Variants in BCO2 observed in about 807,000 individuals in gnomAD.
BCO2 encodes beta-carotene oxygenase 2, also known as carotenoid-cleaving dioxygenase, mitochondrial.
Under a neutral mutation model 65.8 loss-of-function variants are expected in BCO2, and 56 were observed. The ratio of observed to expected loss-of-function variants is 0.85; its 90% confidence interval spans 0.69 to 1.06. The LOEUF (loss-of-function observed/expected upper bound fraction) is 1.06. BCO2 is among the 50% of genes least tolerant of loss of function. The pLI, the probability that BCO2 is intolerant of heterozygous loss-of-function variation, is 0.00. For synonymous variants in BCO2, 233 were observed against 242.3 expected, an observed-to-expected ratio of 0.96 and a Z score of 0.36; for missense variants, 675 against 698.5, an observed-to-expected ratio of 0.97 and a Z score of 0.38.
At chr11:112,186,610 C>T (rs1867207842) in intron 2 of BCO2, among the ~76,000 whole-genome samples, 1 of 152,192 alleles carries the variant, frequency 6.6e-6, no homozygotes, top group Non-Finnish European at 1.5e-5. Context: ...TCCATGTCAG[C>T]ATGCAGACAC....
chr11:112,193,643 A>G lies in BCO2; in HGVS notation c.463A>G (p.Lys155Glu). 1.2e-6 allele frequency: 2 copies of G among 1,614,204 alleles called. No individual in the cohort carries two copies. Among genetic ancestry groups the G allele is most frequent in the Non-Finnish European group, 1.7e-6 (2 of 1,180,024 alleles). ...FGTLALPDPC[K>E]NVFERFMSRF... Reference sequence around the variant, plus strand: ...CACACTGGCTCTCCCGGATCCATGCAAGAATGTTTTTGAACGTTTCATGTC... The same window carrying G: ...CACACTGGCTCTCCCGGATCCATGCGAGAATGTTTTTGAACGTTTCATGTC... Residue 155 changes from lysine (K) to glutamate (E), a missense_variant, in exon 3 of 12, where the codon AAG (lysine) becomes GAG (glutamate). By Grantham distance (56) the Lys-to-Glu change is moderately conservative (BLOSUM62 1). Coordinates refer to ENST00000357685, the MANE Select transcript of BCO2 (RefSeq NM_031938.7).
chr11:112,180,544 A>G (rs1299826243), intron 2 of BCO2, among the ~76,000 whole-genome samples: 1 of 152,218 alleles, frequency 6.6e-6, no homozygotes, highest in Admixed American at 6.5e-5. Flanking sequence ...CCAATAAATG[A>G]AAAACCCAGG....
chr11:112,189,424 G>A (rs1343757465), intron 2 of BCO2, among the ~76,000 whole-genome samples: 1 of 67,514 alleles, frequency 1.5e-5, no homozygotes, highest in African/African-American at 5.8e-5. Flanking sequence ...TTTTTTTTTT[G>A]AGACAGAGTC....
rs565683028 is a variant in BCO2 at position 112,183,302 on chromosome 11, A to T, written c.293+3820A>T. 9.4e-6 allele frequency: 6 copies of T among 638,876 alleles called. No individual in the cohort carries two copies. The East Asian group carries it at 1.1e-4, about 11-fold the overall frequency. The allele number at this position is 638,876 out of a possible 1,614,324, so 39.6% of individuals were successfully genotyped here. On this transcript the variant is annotated intron_variant, in intron 2 of 11. Coordinates refer to ENST00000357685, the MANE Select transcript of BCO2 (RefSeq NM_031938.7). ...AGAAATAACACTATAAGGAAATTTT[A>T]AAAAAACATTTAGAGGATTATGCTT...
At chr11:112,181,036 A>T in intron 2 of BCO2, 1 of 1,470,318 alleles carries the variant, frequency 6.8e-7, no homozygotes, top group Non-Finnish European at 9.5e-7. Flanking sequence ...GATTCCACAC[A>T]GAGTGGCTGA....
intron 8 of BCO2, among the ~76,000 whole-genome samples, chr11:112,212,870 A>C (rs1859548707): frequency 6.6e-6 from 1 of 152,326 alleles, no homozygotes; most frequent in African/African-American, 2.4e-5. Context: ...GAGTCACTTA[A>C]GGACTGGCAC....
chr11:112,214,943 A>C lies in BCO2; in HGVS notation c.1514A>C (p.Lys505Thr). The part of the protein sequence containing the change: ...IKVDVVNKTL[K>T]VWREDGFYPS... ...GTTGATGTGGTGAATAAGACACTGAAGGTGATGAAAAACTCTTTCCTTTTT... is the reference window on the plus strand; with the variant it reads ...GTTGATGTGGTGAATAAGACACTGACGGTGATGAAAAACTCTTTCCTTTTT... The change falls in exon 10 of 12, where the codon AAG becomes ACG. Residue 505 changes from lysine to threonine, a missense_variant and splice_region_variant. Coordinates refer to ENST00000357685, the MANE Select transcript of BCO2 (RefSeq NM_031938.7). 6.2e-7 allele frequency: 1 copy of C among 1,614,100 alleles called. No homozygotes were observed. Among genetic ancestry groups the C allele is most frequent in the Non-Finnish European group, 8.5e-7 (1 of 1,179,950 alleles).
At position 112,205,778 on chromosome 11, in the gene BCO2, T is replaced by G. The variant is rs1465957221; in HGVS notation, c.1194+3588T>G. On this transcript the variant is annotated intron_variant, in intron 8 of 11. Coordinates refer to ENST00000357685, the MANE Select transcript of BCO2 (RefSeq NM_031938.7). Reference sequence around the variant, plus strand: ...TCAGCTAATATTTTTAAAACTTTTTTGTAGAGACAGGGGCCTTGTTATGTT... The same window carrying G: ...TCAGCTAATATTTTTAAAACTTTTTGGTAGAGACAGGGGCCTTGTTATGTT... 4.0e-5 allele frequency among the ~76,000 whole-genome samples: 6 copies of G among 151,578 alleles called. No homozygotes were observed. The South Asian group carries it at 1.2e-3, about 32-fold the overall frequency.
At chr11:112,200,205 T>C (rs1867690716) in intron 6 of BCO2, among the ~76,000 whole-genome samples, 1 of 152,184 alleles carries the variant, frequency 6.6e-6, no homozygotes, top group Admixed American at 6.5e-5. Context: ...GAATATTTAT[T>C]TTCTGTACTT....
intron 10 of BCO2, among the ~76,000 whole-genome samples, chr11:112,215,917 C>T (rs1258412953): frequency 6.6e-6 from 1 of 152,088 alleles, no homozygotes; most frequent in Non-Finnish European, 1.5e-5. Flanking sequence ...AGGAGCAAGA[C>T]AGAGAGGAGG....
intron 2 of BCO2, among the ~76,000 whole-genome samples, chr11:112,184,008 TTAGCCTA>T (rs1194559010): frequency 6.6e-6 from 1 of 152,224 alleles, no homozygotes; most frequent in Non-Finnish European, 1.5e-5. Flanking sequence ...GTTTACACTA[TTAGCCTA>T]GTTTTCTCAT....
In BCO2 at chr11:112,214,812, A is replaced by G. The variant is rs1268494756; in HGVS notation, c.1383A>G (p.Gly461=). The G allele has an allele frequency of 1.9e-6, 3 of 1,613,754 alleles. No individual in the cohort carries two copies. The highest frequency in any genetic ancestry group is 2.5e-6 in the Non-Finnish European group (3 of 1,179,754). The part of the protein sequence containing the change: ...NLHQEDLEKE[G]GIEFPQIYYD... ...ATCAGGAGGACCTAGAAAAGGAAGG[A>G]GGCATTGAATTTCCTCAGATCTACT... The change falls in exon 10 of 12, where the codon GGA becomes GGG. Residue 461 remains glycine, a synonymous_variant. Transcript: ENST00000357685.
At chr11:112,182,756 G>A (rs1867089665) in intron 2 of BCO2, 2 of 563,382 alleles carry the variant, frequency 3.5e-6, no homozygotes, top group African/African-American at 3.8e-5. Flanking sequence ...TAATGTAAAT[G>A]ATGAGTTAAT....
Position 112,214,961 on chromosome 11 carries a change from T to C in BCO2, c.1515+17T>C, listed in dbSNP as rs1859622197. 1 of 1,613,486 alleles carries C rather than the reference T, an allele frequency of 6.2e-7. No individual in the cohort carries two copies. Among genetic ancestry groups the C allele is most frequent in the African/African-American group, 1.3e-5 (1 of 75,058 alleles). On this transcript the variant is annotated intron_variant, in intron 10 of 11. Coordinates refer to ENST00000357685, the MANE Select transcript of BCO2 (RefSeq NM_031938.7). ...ACACTGAAGGTGATGAAAAACTCTT[T>C]CCTTTTTGAACTTTTCAGAGACCTG...
At chr11:112,215,729 C>T (rs1469974814) in intron 10 of BCO2, 1 of 28,978 alleles carries the variant, frequency 3.5e-5, no homozygotes, top group Non-Finnish European at 1.2e-4. Context: ...CAAAACAAAA[C>T]AAAAAAACAA....
intron 8 of BCO2, among the ~76,000 whole-genome samples, chr11:112,208,346 AT>A (rs1022620199): frequency 1.3e-5 from 2 of 150,956 alleles, no homozygotes; most frequent in African/African-American, 4.9e-5. Flanking sequence ...ATTCTTTTAG[AT>A]TTTTACATCT....
At chr11:112,188,602 T>C (rs1392075772) in intron 2 of BCO2, among the ~76,000 whole-genome samples, 4 of 152,162 alleles carry the variant, frequency 2.6e-5, no homozygotes, top group Admixed American at 2.0e-4. Context: ...AGATACTATA[T>C]GTCTTCTGAC....
At chr11:112,194,558 T>G in intron 4 of BCO2, 95 bp from the exon 5 acceptor site, 1 of 776,566 alleles carries the variant, frequency 1.3e-6, no homozygotes. Flanking sequence ...TGCAGTTTTC[T>G]TATCATATTT....
intron 2 of BCO2, among the ~76,000 whole-genome samples, chr11:112,191,039 A>G (rs770551914): frequency 2.4e-4 from 37 of 151,158 alleles, no homozygotes; most frequent in Admixed American, 4.0e-4. Context: ...CAGTAATACT[A>G]CATTGGAAAA....
Sources: gnomAD v4.1 joint callset for allele counts (sites outside exome capture counted in the v4.1 genomes callset) on GRCh38, gnomAD v4.1.1 for gene constraint, MANE v1.5 for transcripts, NCBI Gene and HGNC (gene_info 2026-07-23, HGNC 2026-07-21) for gene names.